The following SOX6 variants were observed in gnomAD, a reference collection of about 807,000 sequenced individuals.
The protein encoded by SOX6 is SRY-box transcription factor 6, also known as transcription factor SOX-6.
A neutral mutation model predicts 97.8 loss-of-function variants in SOX6; 11 were observed. The ratio of observed to expected loss-of-function variants is 0.11; its 90% CI spans 0.07 to 0.19. The LOEUF is 0.19. SOX6 is among the 10% of genes least tolerant of loss of function. The probability of loss-of-function intolerance (pLI) is 1.00; values close to 1 mark genes in which losing one functional copy is unlikely to be tolerated. For missense variants in SOX6, 810 were observed against 1,039.5 expected, an observed-to-expected ratio of 0.78 and a Z score of 3.04; for synonymous variants, 360 against 371.4, an observed-to-expected ratio of 0.97 and a Z score of 0.35.
At chr11:16,489,229 G>C (rs1860477077) in intron 4 of SOX6, among the ~76,000 whole-genome samples, 1 of 152,066 alleles carries the variant, frequency 6.6e-6, no homozygotes, top group Admixed American at 6.5e-5. Flanking sequence ...GCAAAAAAAA[G>C]TATGCAGTTC....
At chr11:16,127,091 C>A (rs1323292201) in intron 6 of SOX6, among the ~76,000 whole-genome samples, 3 of 151,934 alleles carry the variant, frequency 2.0e-5, no homozygotes, top group Admixed American at 2.0e-4. Context: ...TATTTGATTT[C>A]TTTATTTCAC....
rs1418961320 is a variant in SOX6, at chr11:15,972,496, A to G, written c.*313T>C. ...CCTTTATCAACATCCAAAAGAAAAA[A>G]AAAGTAAGACAAAAATATAAGACTT... On this transcript the variant is annotated 3_prime_UTR_variant, in exon 16 of 16. Transcript: ENST00000683767. The G allele has an allele frequency of 2.7e-6, 1 of 365,588 alleles. No homozygotes were observed. Among genetic ancestry groups the G allele is most frequent in the Admixed American group, 4.4e-5 (1 of 22,666 alleles). 22.6% of individuals were successfully genotyped at this position (365,588 alleles called of 1,614,324 possible).
intron 3 of SOX6, among the ~76,000 whole-genome samples, chr11:16,663,325 T>A (rs559693600): frequency 1.2e-4 from 18 of 152,028 alleles, no homozygotes; most frequent in Non-Finnish European, 2.1e-4. Context: ...AAGGCTATAT[T>A]TTTTTTTCTT....
intron 1 of SOX6, among the ~76,000 whole-genome samples, chr11:16,436,627 G>A (rs1654610456): frequency 1.3e-5 from 2 of 152,220 alleles, no homozygotes; most frequent in East Asian, 1.9e-4. Flanking sequence ...AGGCAAAATA[G>A]TTAATCTTTC....
At chr11:16,513,457 A>G (rs1265289517) in intron 4 of SOX6, among the ~76,000 whole-genome samples, 8 of 151,892 alleles carry the variant, frequency 5.3e-5, no homozygotes, top group Non-Finnish European at 1.0e-4. Context: ...ACATGGTGAA[A>G]CTCCATCTCT....
chr11:16,105,340 T>A (rs1185835941), intron 7 of SOX6, among the ~76,000 whole-genome samples: 1 of 151,826 alleles, frequency 6.6e-6, no homozygotes, highest in African/African-American at 2.4e-5. Flanking sequence ...TATTATTCCA[T>A]CATAAAAAAT....
At chr11:16,168,630 T>C (rs1850949694) in intron 6 of SOX6, among the ~76,000 whole-genome samples, 1 of 152,084 alleles carries the variant, frequency 6.6e-6, no homozygotes, top group Admixed American at 6.6e-5. Context: ...AGGAAATGGC[T>C]TTTACTTTTT....
chr11:16,178,454 T>C (rs1851256674), intron 6 of SOX6, among the ~76,000 whole-genome samples: 1 of 151,954 alleles, frequency 6.6e-6, no homozygotes, highest in Admixed American at 6.6e-5. Flanking sequence ...AGCCTGCCTG[T>C]GGGCAATTAA....
At chr11:16,653,848 CAAG>C (rs1033092249) in intron 3 of SOX6, among the ~76,000 whole-genome samples, 16 of 151,568 alleles carry the variant, frequency 1.1e-4, no homozygotes, top group African/African-American at 3.9e-4. Context: ...GCCAAAAGAC[CAAG>C]AAGAATGCAG....
At chr11:16,604,076 C>T (rs1848303762) in intron 4 of SOX6, among the ~76,000 whole-genome samples, 1 of 152,244 alleles carries the variant, frequency 6.6e-6, no homozygotes, top group African/African-American at 2.4e-5. Context: ...ACGTCAACCC[C>T]AGCAACTGTT....
At chr11:16,401,242 A>C (rs1427651163) in intron 1 of SOX6, among the ~76,000 whole-genome samples, 2 of 151,448 alleles carry the variant, frequency 1.3e-5, no homozygotes, top group Non-Finnish European at 3.0e-5. Context: ...TGGACCAAGA[A>C]AGGTTTGCAG....
intron 10 of SOX6, among the ~76,000 whole-genome samples, chr11:16,055,036 T>G (rs1468931758): frequency 6.6e-6 from 1 of 152,134 alleles, no homozygotes; most frequent in Admixed American, 6.6e-5. Flanking sequence ...CTATCACAAC[T>G]ATATGGCATC....
intron 4 of SOX6, among the ~76,000 whole-genome samples, chr11:16,505,824 A>T (rs1860776878): frequency 6.6e-6 from 1 of 152,216 alleles, no homozygotes; most frequent in Non-Finnish European, 1.5e-5. Context: ...ATCTCAGACC[A>T]CTGCTTCAGA....
chr11:16,002,369 G>T (rs1381294840), intron 13 of SOX6, among the ~76,000 whole-genome samples: 2 of 152,138 alleles, frequency 1.3e-5, no homozygotes, highest in African/African-American at 4.8e-5. Flanking sequence ...AGAGTCTCTT[G>T]CTTTCAGTTT....
At chr11:16,009,776 C>A (rs865794835) in intron 13 of SOX6, among the ~76,000 whole-genome samples, 2 of 152,178 alleles carry the variant, frequency 1.3e-5, no homozygotes, top group Middle Eastern at 3.4e-3. Context: ...TAGGCTTGAA[C>A]TAATGATCTT....
intron 12 of SOX6, among the ~76,000 whole-genome samples, chr11:16,044,381 T>G (rs1855765006): frequency 6.6e-6 from 1 of 152,192 alleles, no homozygotes; most frequent in Admixed American, 6.6e-5. Flanking sequence ...AGGAAACAGA[T>G]TATTCCAACG....
At chr11:16,690,805 G>C (rs1314021620) in intron 3 of SOX6, among the ~76,000 whole-genome samples, 1 of 152,144 alleles carries the variant, frequency 6.6e-6, no homozygotes, top group Non-Finnish European at 1.5e-5. Flanking sequence ...TATTAAATTG[G>C]TTGTTATATG....
chr11:16,462,219 A>G (rs1486914066), intron 1 of SOX6, among the ~76,000 whole-genome samples: 1 of 152,256 alleles, frequency 6.6e-6, no homozygotes, highest in Admixed American at 6.5e-5. Flanking sequence ...ATAGTGTCAG[A>G]ACACTTCTCA....
rs115667675 is a variant in SOX6, at chr11:16,408,474, T to C, written c.-4-67222A>G. Among the ~76,000 whole-genome samples the C allele has an allele frequency of 2.6e-3, 400 of 152,302 alleles. 3 individuals carry two copies. Among genetic ancestry groups the C allele is most frequent in the African/African-American group, 9.1e-3 (378 of 41,566 alleles). Reference sequence around the variant, plus strand: ...ACATGCATACATATATCTCATCTGGTACATAGTATGTGCTTAAAAGCTGTG... The same window carrying C: ...ACATGCATACATATATCTCATCTGGCACATAGTATGTGCTTAAAAGCTGTG... On this transcript the variant is annotated intron_variant, in intron 1 of 15. Transcript: ENST00000396356.
Sources: allele counts gnomAD v4.1 joint callset (sites outside exome capture counted in the v4.1 genomes callset), GRCh38; gene constraint gnomAD v4.1.1; transcripts MANE v1.5; gene names NCBI Gene and HGNC (gene_info 2026-07-23, HGNC 2026-07-21).